Variants in MLPH observed in about 807,000 individuals in gnomAD.
The protein encoded by MLPH is exophilin-3.
Under a neutral mutation model 72.1 loss-of-function variants are expected in MLPH, and 51 were observed. That is an observed-to-expected ratio of 0.71 (90% CI 0.56 to 0.89). MLPH has a LOEUF of 0.89. Among genes scored for constraint, MLPH ranks in the 40% least tolerant of loss-of-function variants. The probability of loss-of-function intolerance (pLI) is 0.00; values close to 1 mark genes in which losing one functional copy is unlikely to be tolerated. For missense variants in MLPH, 743 were observed against 759.9 expected (o/e 0.98, Z 0.26); for synonymous variants, 301 against 310.1 (o/e 0.97, Z 0.31).
At chr2:237,535,681 C>G (rs566605237) in intron 9 of MLPH, among the ~76,000 whole-genome samples, 3 of 152,270 alleles carry the variant, frequency 2.0e-5, no homozygotes, top group African/African-American at 4.8e-5. Flanking sequence ...TTGAGGACAG[C>G]CTTCTGGGCC....
intron 13 of MLPH, 107 bp downstream of exon 13, chr2:237,546,790 A>T (rs2080928773): frequency 1.1e-6 from 1 of 895,200 alleles, no homozygotes; most frequent in African/African-American, 1.6e-5. Context: ...CAATGTCCTC[A>T]CAGCTACCCA....
intron 9 of MLPH, among the ~76,000 whole-genome samples, chr2:237,535,431 C>T (rs60187098): frequency 0.034 from 5,102 of 151,958 alleles, 306 homozygotes; most frequent in African/African-American, 0.12. Context: ...AACAGCACAC[C>T]GAGACAACCT....
chr2:237,488,098 G>A (rs880931), intron 1 of MLPH, among the ~76,000 whole-genome samples: 14,905 of 152,096 alleles, frequency 0.098, 897 homozygotes, highest in Non-Finnish European at 0.14. Flanking sequence ...TAGACACCGC[G>A]TCCCACTGAC....
chr2:237,488,076 C>T (rs1253418040), intron 1 of MLPH, among the ~76,000 whole-genome samples: 1 of 152,116 alleles, frequency 6.6e-6, no homozygotes, highest in Non-Finnish European at 1.5e-5. Context: ...TTGTAAATCC[C>T]TTCCCCGGGC....
intron 15 of MLPH, 22 bp downstream of exon 15, chr2:237,552,459 T>A (rs1279169307): frequency 6.2e-7 from 1 of 1,603,878 alleles, no homozygotes; most frequent in Non-Finnish European, 8.5e-7. Context: ...TCTCATTCTC[T>A]GAGGAGTTTT....
chr2:237,516,802 TGGATGGATGGATGGATGGATGGATGGTA>T (rs1300166443), intron 4 of MLPH, among the ~76,000 whole-genome samples: 13 of 149,210 alleles, frequency 8.7e-5, no homozygotes, highest in East Asian at 2.0e-4. Context: ...GATGGATGGA[TGGATGGATGGATGGATGGATGGATGGTA>T]GGATGGATGG....
At chr2:237,522,639 T>A (rs1444139258) in intron 6 of MLPH, among the ~76,000 whole-genome samples, 2 of 151,396 alleles carry the variant, frequency 1.3e-5, no homozygotes, top group African/African-American at 4.9e-5. Context: ...TTCAAACACC[T>A]GCTGCAACTA....
chr2:237,510,498 T>C lies in MLPH; in HGVS notation c.111-76T>C, dbSNP rs2079867533. 3 of 1,253,912 alleles carry C rather than the reference T, an allele frequency of 2.4e-6. No homozygotes were observed. In the African/African-American group the frequency reaches 4.4e-5, roughly 19 times the overall value. The allele number at this position is 1,253,912 out of a possible 1,614,324, so 77.7% of individuals were successfully genotyped here. On this transcript the variant is annotated intron_variant, in intron 2 of 15. Coordinates refer to ENST00000264605, the MANE Select transcript of MLPH (RefSeq NM_024101.7). The surrounding 1 kb of genome is among the most constrained non-coding windows in gnomAD (Gnocchi z 4.4). ...GTGTCTGTGTCTGTGTGTGTGTGTATGTACGTGTACACACTTAAAGCCTGT... is the reference window on the plus strand; with the variant it reads ...GTGTCTGTGTCTGTGTGTGTGTGTACGTACGTGTACACACTTAAAGCCTGT...
chr2:237,514,625 G>A (rs2079975481), intron 4 of MLPH, among the ~76,000 whole-genome samples: 1 of 152,198 alleles, frequency 6.6e-6, no homozygotes, highest in Non-Finnish European at 1.5e-5. Context: ...TGCTGCTGAG[G>A]CCCTCATTTG....
At chr2:237,545,155 GTGGTGAGTGGGGGGAC>G (rs2080876986) in intron 12 of MLPH, among the ~76,000 whole-genome samples, 1 of 9,414 alleles carries the variant, frequency 1.1e-4, no homozygotes, top group African/African-American at 3.2e-4. Context: ...AGTGGGGACA[GTGGTGAGTGGGGGGAC>G]AGTGGTGAGT....
At chr2:237,502,216 A>G (rs1473519546) in intron 2 of MLPH, among the ~76,000 whole-genome samples, 1 of 152,266 alleles carries the variant, frequency 6.6e-6, no homozygotes, top group African/African-American at 2.4e-5. Context: ...TTTTAAGTAC[A>G]GAAAAGATTA....
At position 237,553,754 on chromosome 2, in the gene MLPH, C is replaced by T. The variant is rs200537607; in HGVS notation, c.*162C>T. On this transcript the variant is annotated 3_prime_UTR_variant, in exon 16 of 16. Transcript: ENST00000264605. ...TGGACTCCCACCTGCAAGTGGACAG[C>T]GACATTCAGTCCTGCACTGCTCACC... 249 of 953,524 alleles carry T rather than the reference C, an allele frequency of 2.6e-4. No individual in the cohort carries two copies. Among genetic ancestry groups the T allele is most frequent in the African/African-American group, 4.2e-4 (26 of 62,194 alleles). 59.1% of individuals were successfully genotyped at this position (953,524 alleles called of 1,614,324 possible). A position where few individuals can be genotyped will look rare whatever the true frequency, so the allele number is the denominator to read the frequency against.
intron 4 of MLPH, 34 bp downstream of exon 4, chr2:237,511,135 C>A: frequency 6.5e-7 from 1 of 1,541,888 alleles, no homozygotes; most frequent in Non-Finnish European, 9.0e-7. Flanking sequence ...GCTTTTTGTT[C>A]CCAGGCATTT....
chr2:237,552,111 T>C (rs74600841), intron 14 of MLPH: 13,657 of 516,048 alleles, frequency 0.026, 1,549 homozygotes, highest in African/African-American at 0.24. Context: ...TGAGGAAGAA[T>C]GTTAATGCCA....
chr2:237,540,689 C>A (rs2080658135), intron 10 of MLPH, 113 bp from the exon 11 acceptor site: 1 of 1,528,734 alleles, frequency 6.5e-7, no homozygotes, highest in African/African-American at 1.4e-5. Context: ...CGGCTCCTGA[C>A]CAACCAGCTC....
chr2:237,497,392 T>G (rs565353582), intron 2 of MLPH, among the ~76,000 whole-genome samples: 2 of 152,166 alleles, frequency 1.3e-5, no homozygotes, highest in Non-Finnish European at 2.9e-5. Flanking sequence ...ACTGCCCTAT[T>G]GGTTAAATAT....
chr2:237,518,668 C>G lies in MLPH; in HGVS notation c.555+20C>G. 3 of 1,586,626 alleles carry G rather than the reference C, an allele frequency of 1.9e-6. No homozygotes were observed. The highest frequency in any genetic ancestry group is 2.7e-5 in the African/African-American group (2 of 74,432). ...AGCAAAGTAAGTCATCTCCAGCCAC[C>G]CCCTCCTCAGCCACCTCGATTCCAT... On this transcript the variant is annotated intron_variant, in intron 5 of 15. Coordinates refer to ENST00000264605, the MANE Select transcript of MLPH (RefSeq NM_024101.7).
chr2:237,498,818 C>T (rs187560208), intron 2 of MLPH, among the ~76,000 whole-genome samples: 7 of 152,338 alleles, frequency 4.6e-5, no homozygotes, highest in Admixed American at 6.5e-5. Context: ...GAATCGAAAA[C>T]TTGAAGATGT....
At position 237,546,561 on chromosome 2, in the gene MLPH, G is replaced by A. The variant is rs554651957; in HGVS notation, c.1540-45G>A. 7 of 1,543,362 alleles carry A rather than the reference G, an allele frequency of 4.5e-6. No homozygotes were observed. The East Asian group carries it at 1.3e-4, about 30-fold the overall frequency. On this transcript the variant is annotated intron_variant, in intron 12 of 15. Coordinates refer to ENST00000264605, the MANE Select transcript of MLPH (RefSeq NM_024101.7). The stretch of plus-strand genomic sequence containing the variant: ...GACCCATGCCCATGCTCCTCCCTGT[G>A]GCTGGAGGTTCAACAATAACATAAG...
Sources: gnomAD v4.1 joint callset for allele counts (sites outside exome capture counted in the v4.1 genomes callset) on GRCh38, gnomAD v4.1.1 for gene constraint, Gnocchi (gnomAD v3.1) non-coding constraint, MANE v1.5 for transcripts, NCBI Gene and HGNC (gene_info 2026-07-23, HGNC 2026-07-21) for gene names.